Variants in TNS1 observed in about 807,000 individuals in gnomAD.
TNS1 encodes tensin-1.
Under a neutral mutation model 168.6 loss-of-function variants are expected in TNS1, and 62 were observed. The ratio of observed to expected loss-of-function variants is 0.37; its 90% CI spans 0.30 to 0.45. TNS1 has a LOEUF of 0.45. Ranked by LOEUF, TNS1 falls within the 20% of genes least tolerant of loss-of-function variation. The pLI, the probability that TNS1 is intolerant of heterozygous loss-of-function variation, is 1.00. For synonymous variants in TNS1, 934 were observed against 933.2 expected (o/e 1.00, Z -0.02); for missense variants, 2,240 against 2,339.4 (o/e 0.96, Z 0.88).
At chr2:217,869,660 G>C (rs1476909575) in intron 18 of TNS1, among the ~76,000 whole-genome samples, 1 of 152,234 alleles carries the variant, frequency 6.6e-6, no homozygotes, top group Non-Finnish European at 1.5e-5. Flanking sequence ...AAGAAATGCA[G>C]GCTCTGTGGA....
At chr2:218,007,566 T>TGG (rs71064407), upstream of TNS1, among the ~76,000 whole-genome samples, 494 of 74,938 alleles carry the variant, frequency 6.6e-3, 5 homozygotes, top group Middle Eastern at 0.016. Context: ...GCTCGGGGGG[T>TGG]GGGGGGGGGG....
upstream of TNS1, among the ~76,000 whole-genome samples, chr2:218,003,696 G>A (rs943835284): frequency 3.3e-5 from 5 of 151,602 alleles, no homozygotes; most frequent in Non-Finnish European, 5.9e-5. Flanking sequence ...TTCTGAAAGG[G>A]AGCCCCGCTC....
chr2:217,900,305 G>A (rs1012964159), intron 7 of TNS1, among the ~76,000 whole-genome samples, 158 bp downstream of exon 7: 7 of 152,226 alleles, frequency 4.6e-5, no homozygotes, highest in African/African-American at 7.2e-5. Flanking sequence ...AACGGCATCC[G>A]CACGCATCCT....
chr2:217,977,952 C>T (rs567979665), intron 3 of TNS1, among the ~76,000 whole-genome samples: 71 of 152,318 alleles, frequency 4.7e-4, no homozygotes, highest in African/African-American at 1.7e-3. Flanking sequence ...AACGCCATTT[C>T]CACCCCTAGG....
At chr2:217,885,412 C>A in intron 15 of TNS1, among the ~76,000 whole-genome samples, 1 of 152,216 alleles carries the variant, frequency 6.6e-6, no homozygotes, top group East Asian at 1.9e-4. Context: ...ACATACAAGT[C>A]AGAGTGCAAA....
intron 3 of TNS1, among the ~76,000 whole-genome samples, chr2:217,930,995 G>C (rs1427668): frequency 0.17 from 25,464 of 152,076 alleles, 2,313 homozygotes; most frequent in Non-Finnish European, 0.18. Context: ...TGGTGTGAAA[G>C]GAGGTGACAG....
chr2:217,999,877 C>T lies in TNS1; in HGVS notation c.33+2963G>A, dbSNP rs535054665. Among the ~76,000 whole-genome samples the T allele has an allele frequency of 8.5e-5, 13 of 152,348 alleles. No individual in the cohort carries two copies. The East Asian group carries it at 2.3e-3, about 27-fold the overall frequency. ...ACATTTCAGTGAGGTCCAGAAAAGT[C>T]GAGTGACCAGCTTGAGACCACTTAG... is the stretch of plus-strand genomic sequence containing the variant. On this transcript the variant is annotated intron_variant, in intron 1 of 32. Coordinates refer to ENST00000682258, the MANE Select transcript of TNS1 (RefSeq NM_001387777.1).
intron 27 of TNS1, among the ~76,000 whole-genome samples, chr2:217,812,899 A>G (rs13026442): frequency 0.22 from 32,995 of 152,108 alleles, 4,629 homozygotes; most frequent in Middle Eastern, 0.38. Context: ...GTGAGGCCAG[A>G]TGTGATAGAA....
intron 3 of TNS1, among the ~76,000 whole-genome samples, chr2:217,946,468 G>C (rs1238062372): frequency 3.3e-5 from 5 of 152,210 alleles, no homozygotes; most frequent in African/African-American, 1.2e-4. Context: ...TGGATGGATG[G>C]ATAATCAGTT....
At chr2:217,870,404 A>G (rs1163723752) in intron 18 of TNS1, among the ~76,000 whole-genome samples, 1 of 152,262 alleles carries the variant, frequency 6.6e-6, no homozygotes, top group Admixed American at 6.5e-5. Flanking sequence ...GAAGGTAATG[A>G]TGGGTGCAAA....
chr2:217,878,215 C>A (rs1039035199), intron 18 of TNS1, among the ~76,000 whole-genome samples: 4 of 152,200 alleles, frequency 2.6e-5, no homozygotes, highest in African/African-American at 9.7e-5. Context: ...CAGCACACCC[C>A]CCTCGCCTAA....
chr2:217,963,997 A>G (rs1241201777), intron 3 of TNS1, among the ~76,000 whole-genome samples: 1 of 151,858 alleles, frequency 6.6e-6, no homozygotes, highest in East Asian at 1.9e-4. Flanking sequence ...TTCCAGTCCA[A>G]CCTTCCTCCC....
intron 1 of TNS1, among the ~76,000 whole-genome samples, chr2:217,998,972 C>T (rs1162244205): frequency 6.6e-6 from 1 of 152,212 alleles, no homozygotes; most frequent in East Asian, 1.9e-4. Context: ...AGAGAGCAGG[C>T]CCTCCATAAT....
chr2:217,917,934 G>T (rs928490857), intron 4 of TNS1, among the ~76,000 whole-genome samples: 2 of 151,800 alleles, frequency 1.3e-5, no homozygotes, highest in African/African-American at 4.8e-5. Context: ...AGGCCTGGAG[G>T]CATCATATAT....
At chr2:217,814,367 G>T (rs1383655976) in intron 25 of TNS1, among the ~76,000 whole-genome samples, 1 of 152,128 alleles carries the variant, frequency 6.6e-6, no homozygotes, top group Non-Finnish European at 1.5e-5. Context: ...GGCTTCGCAG[G>T]CCATGCAGCC....
intron 23 of TNS1, among the ~76,000 whole-genome samples, chr2:217,820,026 A>G (rs766389026): frequency 1.9e-4 from 29 of 152,202 alleles, no homozygotes; most frequent in Non-Finnish European, 3.8e-4. Flanking sequence ...GTCAGGGGCC[A>G]GGCTAGGGCA....
chr2:217,888,691 C>T (rs963123878), intron 12 of TNS1, among the ~76,000 whole-genome samples: 15 of 152,172 alleles, frequency 9.9e-5, no homozygotes, highest in Admixed American at 9.2e-4. Flanking sequence ...TTTCCCTTGA[C>T]CCTCTCTCTT....
intron 1 of TNS1, among the ~76,000 whole-genome samples, chr2:217,991,736 T>C (rs1958370874): frequency 6.6e-6 from 1 of 152,092 alleles, no homozygotes; most frequent in Admixed American, 6.5e-5. Flanking sequence ...CTCTAACCCA[T>C]GGCCCCACAG....
chr2:217,817,192 A>G (rs1007623230), intron 24 of TNS1, among the ~76,000 whole-genome samples: 1 of 152,090 alleles, frequency 6.6e-6, no homozygotes, highest in Non-Finnish European at 1.5e-5. Flanking sequence ...CTTGAAGACC[A>G]TTAGTTTTGG....
Sources: gnomAD v4.1 joint callset for allele counts (sites outside exome capture counted in the v4.1 genomes callset) on GRCh38, gnomAD v4.1.1 for gene constraint, MANE v1.5 for transcripts, NCBI Gene and HGNC (gene_info 2026-07-23, HGNC 2026-07-21) for gene names.